The following CAMK2D variants were observed in gnomAD, a reference collection of about 807,000 sequenced individuals.
CAMK2D encodes calcium/calmodulin dependent protein kinase II delta.
CAMK2D carries 37 observed loss-of-function variants against 84.0 expected under a neutral mutation model. That is an observed-to-expected ratio of 0.44 (90% CI 0.34 to 0.58). The LOEUF (loss-of-function observed/expected upper bound fraction) is 0.58. Among genes scored for constraint, CAMK2D ranks in the 20% least tolerant of loss-of-function variants. CAMK2D has a pLI of 0.02. For synonymous variants in CAMK2D, 202 were observed against 212.5 expected (o/e 0.95, Z 0.43); for missense variants, 448 against 652.5 (o/e 0.69, Z 3.41).
At chr4:113,627,506 T>G (rs2099072949) in intron 3 of CAMK2D, among the ~76,000 whole-genome samples, 1 of 152,194 alleles carries the variant, frequency 6.6e-6, no homozygotes, top group Non-Finnish European at 1.5e-5. Flanking sequence ...TAAAGAGATC[T>G]TAACTGATAC....
At chr4:113,507,437 GT>G (rs71984715) in intron 13 of CAMK2D, among the ~76,000 whole-genome samples, 32,273 of 146,480 alleles carry the variant, frequency 0.22, 3,550 homozygotes, top group Non-Finnish European at 0.26. Flanking sequence ...TTGTTTGTTT[GT>G]TTTTTTTTTT....
chr4:113,690,166 A>T (rs2099382700), intron 2 of CAMK2D, among the ~76,000 whole-genome samples: 2 of 152,208 alleles, frequency 1.3e-5, no homozygotes, highest in African/African-American at 4.8e-5. Context: ...TTGATGACCA[A>T]GGAAAACAAA....
At chr4:113,495,318 AAG>A (rs374311053) in intron 16 of CAMK2D, among the ~76,000 whole-genome samples, 119 of 152,332 alleles carry the variant, frequency 7.8e-4, no homozygotes, top group African/African-American at 2.7e-3. Flanking sequence ...TAAAATACCC[AAG>A]AGTTTCTTAA....
At chr4:113,572,537 A>G (rs2098758443) in intron 4 of CAMK2D, among the ~76,000 whole-genome samples, 1 of 152,204 alleles carries the variant, frequency 6.6e-6, no homozygotes, top group South Asian at 2.1e-4. Context: ...AAAAAAGCTC[A>G]ATATCACTGA....
chr4:113,510,285 T>C (rs1161384827), intron 12 of CAMK2D, among the ~76,000 whole-genome samples: 1 of 152,196 alleles, frequency 6.6e-6, no homozygotes, highest in Non-Finnish European at 1.5e-5. Context: ...CTCTAAAAAA[T>C]GGCATTATGT....
At chr4:113,645,597 T>C (rs75176079) in intron 3 of CAMK2D, among the ~76,000 whole-genome samples, 7,854 of 152,176 alleles carry the variant, frequency 0.052, 555 homozygotes, top group African/African-American at 0.16. Flanking sequence ...TGTAGTTTGA[T>C]AACTTCATTT....
At chr4:113,650,315 C>T (rs2099167757) in intron 3 of CAMK2D, among the ~76,000 whole-genome samples, 1 of 150,346 alleles carries the variant, frequency 6.7e-6, no homozygotes, top group Non-Finnish European at 1.5e-5. Flanking sequence ...GTCAGGAGTT[C>T]GAGACCAGCC....
chr4:113,554,642 T>C (rs1363991513), intron 4 of CAMK2D, among the ~76,000 whole-genome samples: 2 of 152,156 alleles, frequency 1.3e-5, no homozygotes, highest in African/African-American at 4.8e-5. Flanking sequence ...TCAGTTATAA[T>C]AGAATTCAAT....
At chr4:113,655,611 C>T (rs1354988929) in intron 3 of CAMK2D, among the ~76,000 whole-genome samples, 1 of 152,086 alleles carries the variant, frequency 6.6e-6, no homozygotes, top group East Asian at 1.9e-4. Context: ...CTAAAGTCTA[C>T]ACAAAATGTA....
chr4:113,708,326 C>T (rs1252961921), intron 2 of CAMK2D, among the ~76,000 whole-genome samples: 2 of 152,140 alleles, frequency 1.3e-5, no homozygotes, highest in African/African-American at 4.8e-5. Flanking sequence ...ATTCATCAAA[C>T]AAAATGTGGT....
At chr4:113,657,595 C>T (rs138491118) in intron 3 of CAMK2D, among the ~76,000 whole-genome samples, 1 of 152,160 alleles carries the variant, frequency 6.6e-6, no homozygotes, top group East Asian at 1.9e-4. Flanking sequence ...CTTCTTTATA[C>T]AATGTTGTAT....
At chr4:113,722,697 G>A (rs1462957102) in intron 2 of CAMK2D, among the ~76,000 whole-genome samples, 2 of 152,106 alleles carry the variant, frequency 1.3e-5, no homozygotes, top group Non-Finnish European at 2.9e-5. Context: ...GGCAAAACAA[G>A]ATGTACGGTC....
chr4:113,699,347 T>C (rs2099411662), intron 2 of CAMK2D, among the ~76,000 whole-genome samples: 1 of 152,162 alleles, frequency 6.6e-6, no homozygotes, highest in African/African-American at 2.4e-5. Flanking sequence ...TTCCAGACAA[T>C]GTATTCTCAG....
intron 6 of CAMK2D, 113 bp downstream of exon 6, chr4:113,547,531 G>A (rs902589142): frequency 5.5e-6 from 3 of 543,638 alleles, no homozygotes; most frequent in Non-Finnish European, 9.6e-6. Flanking sequence ...TAACGTGCTG[G>A]AATAAGTCCA....
chr4:113,604,263 T>C (rs897185933), intron 4 of CAMK2D, among the ~76,000 whole-genome samples: 5 of 152,182 alleles, frequency 3.3e-5, no homozygotes, highest in African/African-American at 7.2e-5. Flanking sequence ...GATATCAATG[T>C]ATATTTCTTA....
chr4:113,625,969 G>A (rs2099066432), intron 3 of CAMK2D, among the ~76,000 whole-genome samples: 1 of 151,168 alleles, frequency 6.6e-6, no homozygotes, highest in African/African-American at 2.4e-5. Flanking sequence ...AGCCAAGATT[G>A]CACCACTGCA....
At chr4:113,611,433 G>C (rs1175572844) in intron 3 of CAMK2D, among the ~76,000 whole-genome samples, 1 of 152,146 alleles carries the variant, frequency 6.6e-6, no homozygotes, top group Non-Finnish European at 1.5e-5. Context: ...GGGTTCCCAT[G>C]TTATCAAAGT....
At chr4:113,539,807 T>C (rs998432311) in intron 6 of CAMK2D, among the ~76,000 whole-genome samples, 2 of 152,236 alleles carry the variant, frequency 1.3e-5, no homozygotes, top group East Asian at 1.9e-4. Flanking sequence ...TTCATGTTTA[T>C]GTATATCTTT....
intron 3 of CAMK2D, among the ~76,000 whole-genome samples, chr4:113,636,653 G>C (rs2099110826): frequency 6.6e-6 from 1 of 152,178 alleles, no homozygotes; most frequent in African/African-American, 2.4e-5. Context: ...CTTGCAGATA[G>C]ATGGCCCCCT....
Sources: allele counts gnomAD v4.1 joint callset (sites outside exome capture counted in the v4.1 genomes callset), GRCh38; gene constraint gnomAD v4.1.1; transcripts MANE v1.5; gene names NCBI Gene and HGNC (gene_info 2026-07-23, HGNC 2026-07-21).